Variants in EPC1 observed in about 807,000 individuals in gnomAD.
The protein encoded by EPC1 is enhancer of polycomb homolog 1.
A neutral mutation model predicts 98.4 loss-of-function variants in EPC1; 12 were observed. That is an observed-to-expected ratio of 0.12 (90% CI 0.08 to 0.20). EPC1 has a LOEUF of 0.20. Among genes scored for constraint, EPC1 ranks in the 10% least tolerant of loss-of-function variants. The pLI, the probability that EPC1 is intolerant of heterozygous loss-of-function variation, is 1.00. For synonymous variants in EPC1, 357 were observed against 363.9 expected (o/e 0.98, Z 0.21); for missense variants, 729 against 990.5 (o/e 0.74, Z 3.54).
Position 32,284,910 on chromosome 10 carries a change from G to A in EPC1, c.1532C>T (p.Ser511Phe). The A allele has an allele frequency of 1.2e-6, 2 of 1,614,168 alleles. No individual in the cohort carries two copies. The highest frequency in any genetic ancestry group is 2.7e-5 in the African/African-American group (2 of 75,032). The change falls in exon 10 of 14, where the codon TCT (serine) becomes TTT (phenylalanine). Residue 511 changes from serine to phenylalanine, a missense_variant. Around this residue, in one of 6 missense-constraint regions of EPC1, gnomAD observed 390 missense variants for 438.6 expected, o/e 0.89. Coordinates refer to ENST00000319778, the MANE Select transcript of EPC1 (RefSeq NM_001272004.3). The part of the protein sequence containing the change: ...SETNTSDKSF[S>F]KDLSQILVNI... ...GACTAGTATCTGACTGAGGTCTTTA[G>A]AGAAAGATTTGTCCGAGGTATTTGT...
chr10:32,373,620 G>A (rs1321921074), intron 1 of EPC1, among the ~76,000 whole-genome samples: 1 of 152,086 alleles, frequency 6.6e-6, no homozygotes, highest in African/African-American at 2.4e-5. Flanking sequence ...TGTGCTATGG[G>A]GCTTCTGAGA....
At chr10:32,280,076 G>C (rs1244915272) in intron 10 of EPC1, among the ~76,000 whole-genome samples, 1 of 152,024 alleles carries the variant, frequency 6.6e-6, no homozygotes, top group African/African-American at 2.4e-5. Context: ...GTCAAGAGTG[G>C]GAAGGAAAGT....
At chr10:32,275,174 C>T (rs984267027) in intron 10 of EPC1, among the ~76,000 whole-genome samples, 6 of 152,142 alleles carry the variant, frequency 3.9e-5, no homozygotes, top group African/African-American at 9.7e-5. Context: ...ACTTTGCTGG[C>T]GTGTGTGTTT....
chr10:32,361,035 A>C (rs1839429997), intron 1 of EPC1, among the ~76,000 whole-genome samples: 1 of 152,250 alleles, frequency 6.6e-6, no homozygotes, highest in Non-Finnish European at 1.5e-5. Flanking sequence ...GCACTCTCCA[A>C]GGCAACTTAA....
At chr10:32,338,442 A>G (rs1378492465) in intron 1 of EPC1, among the ~76,000 whole-genome samples, 1 of 152,206 alleles carries the variant, frequency 6.6e-6, no homozygotes, top group Non-Finnish European at 1.5e-5. Flanking sequence ...CCATTAAATC[A>G]GATCATGTCA....
chr10:32,335,524 T>C (rs1489899841), intron 1 of EPC1, among the ~76,000 whole-genome samples: 1 of 152,054 alleles, frequency 6.6e-6, no homozygotes, highest in Non-Finnish European at 1.5e-5. Flanking sequence ...GACTTGTGGA[T>C]GGCATACACA....
At chr10:32,371,064 T>G (rs757058462) in intron 1 of EPC1, among the ~76,000 whole-genome samples, 6 of 151,160 alleles carry the variant, frequency 4.0e-5, no homozygotes, top group Non-Finnish European at 8.8e-5. Flanking sequence ...AATTTGCTGG[T>G]TTTTTCCTCC....
At chr10:32,276,464 A>G (rs538182531) in intron 10 of EPC1, among the ~76,000 whole-genome samples, 1 of 152,376 alleles carries the variant, frequency 6.6e-6, no homozygotes, top group South Asian at 2.1e-4. Flanking sequence ...GTGAGCCGAG[A>G]CCGCACCACT....
chr10:32,273,063 T>G, intron 11 of EPC1, 100 bp downstream of exon 11: 1 of 1,614,196 alleles, frequency 6.2e-7, no homozygotes, highest in Non-Finnish European at 8.5e-7. Context: ...GCCACTTTTC[T>G]GCTGGTTAGA....
At chr10:32,310,013 G>T (rs747919184) in intron 1 of EPC1, among the ~76,000 whole-genome samples, 1 of 151,522 alleles carries the variant, frequency 6.6e-6, no homozygotes, top group Non-Finnish European at 1.5e-5. Context: ...TGGCCAACAT[G>T]GTGAAACCCC....
intron 2 of EPC1, among the ~76,000 whole-genome samples, chr10:32,305,240 A>T (rs1047581112): frequency 6.6e-6 from 1 of 152,270 alleles, no homozygotes; most frequent in Admixed American, 6.5e-5. Flanking sequence ...CTATGGGCCA[A>T]TTCTGGCCTG....
At chr10:32,295,632 C>T (rs573762456) in intron 2 of EPC1, among the ~76,000 whole-genome samples, 2 of 152,138 alleles carry the variant, frequency 1.3e-5, no homozygotes, top group Non-Finnish European at 2.9e-5. Context: ...ATTAAAAACA[C>T]TTGATATATT....
Position 32,327,017 on chromosome 10 carries a change from AAT to A in EPC1, c.153+19744_153+19745del, listed in dbSNP as rs1320129000. ...GTCCTCAAAAAAAAAAAAAAAAAAA[AAT>A]CAATGTAAATTACCATCAATAGATG... On this transcript the variant is annotated intron_variant, in intron 1 of 13. Coordinates refer to ENST00000319778, the MANE Select transcript of EPC1 (RefSeq NM_001272004.3). Among the ~76,000 whole-genome samples, 37 of 35,376 alleles carry A rather than the reference AAT, an allele frequency of 1.0e-3. 3 individuals are homozygous for A. In the East Asian group the frequency reaches 0.017, roughly 16 times the overall value. 23.2% of individuals were successfully genotyped at this position (35,376 alleles called of 152,430 possible).
At chr10:32,292,941 T>C in intron 4 of EPC1, 47 bp downstream of exon 4, 1 of 1,227,798 alleles carries the variant, frequency 8.1e-7, no homozygotes. Flanking sequence ...TAACTATAAA[T>C]AATTTTTATT....
chr10:32,300,105 G>A (rs1256615144), intron 2 of EPC1, among the ~76,000 whole-genome samples: 3 of 151,970 alleles, frequency 2.0e-5, no homozygotes, highest in Non-Finnish European at 4.4e-5. Context: ...TAGAGACAGA[G>A]TTTCACTGTG....
At chr10:32,300,849 T>G (rs1193825103) in intron 2 of EPC1, among the ~76,000 whole-genome samples, 1 of 152,162 alleles carries the variant, frequency 6.6e-6, no homozygotes, top group Non-Finnish European at 1.5e-5. Flanking sequence ...TCATTTTTTT[T>G]GGAAGCTTAA....
chr10:32,332,409 A>G (rs1462595957), intron 1 of EPC1, among the ~76,000 whole-genome samples: 1 of 152,206 alleles, frequency 6.6e-6, no homozygotes, highest in African/African-American at 2.4e-5. Context: ...ACCCTTGGGT[A>G]GTCCCCTCCC....
Position 32,273,294 on chromosome 10 carries a change from T to TA in EPC1, c.1745-14dup, listed in dbSNP as rs1564517847. 6.2e-7 allele frequency: 1 copy of TA among 1,612,824 alleles called. No homozygotes were observed. Among genetic ancestry groups the TA allele is most frequent in the Admixed American group, 1.7e-5 (1 of 59,844 alleles). On this transcript the variant is annotated splice_polypyrimidine_tract_variant and intron_variant, in intron 10 of 13. Coordinates refer to ENST00000319778, the MANE Select transcript of EPC1 (RefSeq NM_001272004.3). ...TCGGCTGTAAATGCTGAACATAAAA[T>TA]AAAGAAACACTTTATAAAAATGCCC...
intron 1 of EPC1, among the ~76,000 whole-genome samples, chr10:32,331,145 T>C (rs1012743865): frequency 6.6e-6 from 1 of 152,140 alleles, no homozygotes; most frequent in Non-Finnish European, 1.5e-5. Flanking sequence ...AAAATCCATA[T>C]AGAAGTCTCA....
Sources: gnomAD v4.1 joint callset for allele counts (sites outside exome capture counted in the v4.1 genomes callset) on GRCh38, gnomAD v4.1.1 for gene constraint, gnomAD v4.1.1 regional missense constraint, MANE v1.5 for transcripts, NCBI Gene and HGNC (gene_info 2026-07-23, HGNC 2026-07-21) for gene names.